The following DCAF6 variants were observed in gnomAD, a reference collection of about 807,000 sequenced individuals.
The protein encoded by DCAF6 is DDB1- and CUL4-associated factor 6.
In DCAF6, 54 loss-of-function variants were observed where a neutral mutation model predicts 125.1. That is an observed-to-expected ratio of 0.43 (90% CI 0.35 to 0.54). The LOEUF is 0.54. Ranked by LOEUF, DCAF6 falls within the 20% of genes least tolerant of loss-of-function variation. DCAF6 has a pLI of 0.01. For missense variants in DCAF6, 934 were observed against 1,161.7 expected, an observed-to-expected ratio of 0.80 and a Z score of 2.85; for synonymous variants, 371 against 390.4, an observed-to-expected ratio of 0.95 and a Z score of 0.58.
the DCAF6 span, chr1:167,919,998 G>A: frequency 6.2e-6 from 10 of 1,612,202 alleles, no homozygotes; most frequent in Non-Finnish European, 8.5e-6. Context: ...CGAAAAAGCT[G>A]AGAGGCTCCT....
the DCAF6 span, among the ~76,000 whole-genome samples, chr1:167,865,605 G>C: frequency 6.6e-6 from 1 of 152,124 alleles, no homozygotes; most frequent in Non-Finnish European, 1.5e-5. Flanking sequence ...ATAAAATGGT[G>C]TTTAGCTTTC....
chr1:167,991,609 A>G (rs948505558), intron 6 of DCAF6, among the ~76,000 whole-genome samples: 7 of 152,238 alleles, frequency 4.6e-5, no homozygotes, highest in Non-Finnish European at 7.3e-5. Context: ...TTAAAGCAAC[A>G]GAAATTTATT....
intron 2 of DCAF6, among the ~76,000 whole-genome samples, chr1:167,957,626 A>G (rs952614162): frequency 6.6e-6 from 1 of 152,090 alleles, no homozygotes; most frequent in African/African-American, 2.4e-5. Flanking sequence ...GTAAGTTTTC[A>G]ATTATCTTGG....
chr1:167,904,790 T>C, the DCAF6 span: 1 of 666,400 alleles, frequency 1.5e-6, no homozygotes, highest in Non-Finnish European at 2.6e-6. Flanking sequence ...TGCCTATGAC[T>C]GGCAGTCCTG....
At chr1:167,953,020 A>G (rs1167152200) in intron 2 of DCAF6, among the ~76,000 whole-genome samples, 1 of 152,130 alleles carries the variant, frequency 6.6e-6, no homozygotes, top group Non-Finnish European at 1.5e-5. Flanking sequence ...AAGATATATT[A>G]TTTTACCTTC....
At chr1:167,879,948 A>G in the DCAF6 span, among the ~76,000 whole-genome samples, 5 of 152,192 alleles carry the variant, frequency 3.3e-5, no homozygotes, top group East Asian at 9.6e-4. Context: ...AGAAATGCAC[A>G]CTCTGCAAGC....
intron 12 of DCAF6, among the ~76,000 whole-genome samples, chr1:168,036,596 A>G (rs967349453): frequency 3.3e-5 from 5 of 152,252 alleles, no homozygotes; most frequent in African/African-American, 9.6e-5. Context: ...TCTCAGTAAC[A>G]TAACTAAAGA....
At chr1:167,965,780 G>T (rs182683694) in intron 2 of DCAF6, among the ~76,000 whole-genome samples, 2 of 152,098 alleles carry the variant, frequency 1.3e-5, no homozygotes, top group East Asian at 3.9e-4. Flanking sequence ...GATTACAGGC[G>T]CATGCCACCA....
At chr1:167,965,742 G>A (rs114395322) in intron 2 of DCAF6, among the ~76,000 whole-genome samples, 3,211 of 151,914 alleles carry the variant, frequency 0.021, 61 homozygotes, top group Middle Eastern at 0.071. Context: ...TTCTCCTGTC[G>A]GGAGGCTGAG....
intron 21 of DCAF6, among the ~76,000 whole-genome samples, chr1:168,074,412 T>C (rs993449382): frequency 6.6e-6 from 1 of 152,142 alleles, no homozygotes; most frequent in Non-Finnish European, 1.5e-5. Flanking sequence ...TGGTAGTGAT[T>C]TTATGCTGTT....
intron 1 of DCAF6, among the ~76,000 whole-genome samples, chr1:167,943,031 C>G (rs989519258): frequency 6.6e-6 from 1 of 151,948 alleles, no homozygotes; most frequent in Non-Finnish European, 1.5e-5. Flanking sequence ...CTCAGCCTCC[C>G]GAGTAGCTGG....
the DCAF6 span, among the ~76,000 whole-genome samples, chr1:167,877,571 A>C: frequency 6.6e-6 from 1 of 152,170 alleles, no homozygotes; most frequent in Non-Finnish European, 1.5e-5. Context: ...CTGGGGATAT[A>C]AGAATAAAGA....
chr1:167,915,608 A>G, the DCAF6 span, among the ~76,000 whole-genome samples: 8 of 151,964 alleles, frequency 5.3e-5, no homozygotes, highest in Non-Finnish European at 1.2e-4. Flanking sequence ...GTGCCACCAT[A>G]CCCAGCTAAT....
At chr1:168,038,733 G>A (rs1016709792) in intron 13 of DCAF6, among the ~76,000 whole-genome samples, 3 of 151,894 alleles carry the variant, frequency 2.0e-5, no homozygotes, top group Admixed American at 6.6e-5. Flanking sequence ...AGATGATGCC[G>A]GTGCTGCTCA....
At chr1:167,936,639 T>G, upstream of DCAF6, 1 of 387,546 alleles carries the variant, frequency 2.6e-6, no homozygotes, top group South Asian at 3.2e-5. Flanking sequence ...CTCCGCCTCC[T>G]CCTGTTGGAG....
At chr1:168,021,463 T>G (rs1256946095) in intron 11 of DCAF6, among the ~76,000 whole-genome samples, 1 of 152,182 alleles carries the variant, frequency 6.6e-6, no homozygotes, top group Non-Finnish European at 1.5e-5. Context: ...ACATAGATGG[T>G]AGTGTTGAAT....
intron 13 of DCAF6, among the ~76,000 whole-genome samples, chr1:168,039,411 G>C (rs1400905703): frequency 3.3e-5 from 5 of 150,892 alleles, no homozygotes; most frequent in Non-Finnish European, 5.9e-5. Context: ...TAATGTTTCT[G>C]ATCATATTTA....
intron 4 of DCAF6, among the ~76,000 whole-genome samples, chr1:167,986,095 TAAC>T (rs1280466929): frequency 2.0e-5 from 3 of 152,232 alleles, no homozygotes; most frequent in Non-Finnish European, 4.4e-5. Flanking sequence ...TAGGAATAGA[TAAC>T]AATTTAATCC....
the DCAF6 span, among the ~76,000 whole-genome samples, chr1:167,892,840 T>C: frequency 6.6e-6 from 1 of 152,200 alleles, no homozygotes; most frequent in Non-Finnish European, 1.5e-5. Context: ...GTGGATAGCC[T>C]GTGCAAAAAT....
Sources: gnomAD v4.1 joint callset for allele counts (sites outside exome capture counted in the v4.1 genomes callset) on GRCh38, gnomAD v4.1.1 for gene constraint, MANE v1.5 for transcripts, NCBI Gene and HGNC (gene_info 2026-07-23, HGNC 2026-07-21) for gene names.